The following METTL13 variants were observed in gnomAD, a reference collection of about 807,000 sequenced individuals.
The protein encoded by METTL13 is methyltransferase 13, eEF1A N-terminus and K55.
Under a neutral mutation model 67.4 loss-of-function variants are expected in METTL13, and 52 were observed. The observed-to-expected ratio is 0.77, with a 90% CI of 0.62 to 0.97. METTL13 has a LOEUF of 0.97. Ranked by LOEUF, METTL13 falls within the 50% of genes least tolerant of loss-of-function variation. METTL13 has a pLI of 0.00. For missense variants in METTL13, 825 were observed against 889.6 expected (o/e 0.93, Z 0.92); for synonymous variants, 354 against 353.6 (o/e 1.00, Z -0.01).
intron 6 of METTL13, among the ~76,000 whole-genome samples, chr1:171,792,912 A>G (rs16843313): frequency 0.046 from 7,075 of 152,304 alleles, 549 homozygotes; most frequent in African/African-American, 0.16. Flanking sequence ...TGCAACTAGA[A>G]TTAAGGTTCC....
In METTL13 at chr1:171,782,068, C is replaced by T; in HGVS notation, c.101C>T (p.Thr34Ile). The T allele has an allele frequency of 6.2e-7, 1 of 1,614,108 alleles. No homozygotes were observed. Among genetic ancestry groups the T allele is most frequent in the Non-Finnish European group, 8.5e-7 (1 of 1,180,018 alleles). ...RGKKAFEWYG[T>I]YLELCGVLHK... Reference sequence around the variant, plus strand: ...AAGAAAGCTTTCGAGTGGTATGGAACCTACCTGGAACTGTGCGGGGTGCTA... The same window carrying T: ...AAGAAAGCTTTCGAGTGGTATGGAATCTACCTGGAACTGTGCGGGGTGCTA... Residue 34 changes from threonine (T) to isoleucine (I), a missense_variant, in exon 1 of 8, where the codon ACC becomes ATC. Thr to Ile is a moderately conservative substitution (Grantham distance 89). Coordinates refer to ENST00000361735, the MANE Select transcript of METTL13 (RefSeq NM_015935.5).
rs778224360 is a variant in METTL13 at position 171,790,516 on chromosome 1, A to C, written c.1374A>C (p.Ala458=). The change falls in exon 5 of 8, where the codon GCA becomes GCC. Residue 458 remains alanine, a synonymous_variant. Coordinates refer to ENST00000361735, the MANE Select transcript of METTL13 (RefSeq NM_015935.5). ...QRPADAEDLP[A]APGQSIDKSY... is the part of the protein sequence containing the mutation. ...CTGCTGATGCGGAGGACCTCCCTGCAGCCCCGGGGCAGTCCATTGATAAGA... is the reference window on the plus strand; with the variant it reads ...CTGCTGATGCGGAGGACCTCCCTGCCGCCCCGGGGCAGTCCATTGATAAGA... 2 of 1,612,238 alleles carry C rather than the reference A, an allele frequency of 1.2e-6. No individual in the cohort carries two copies.
intron 7 of METTL13, 119 bp from the exon 8 acceptor site, chr1:171,796,363 G>A (rs111669289): frequency 5.3e-5 from 64 of 1,198,136 alleles, no homozygotes; most frequent in East Asian, 4.2e-4. Flanking sequence ...CATCACCACC[G>A]TGTGTTTTAG....
rs749698669 is a variant in METTL13 at position 171,796,864 on chromosome 1, G to T, written c.*108G>T. ...ACTTTTGAAGCTTCGTATTTTTCTTGGTTTCACACTCAGCTACATGTGACC... is the reference window on the plus strand; with the variant it reads ...ACTTTTGAAGCTTCGTATTTTTCTTTGTTTCACACTCAGCTACATGTGACC... On this transcript the variant is annotated 3_prime_UTR_variant, in exon 8 of 8. Coordinates refer to ENST00000361735, the MANE Select transcript of METTL13 (RefSeq NM_015935.5). The T allele has an allele frequency of 7.8e-6, 11 of 1,417,956 alleles. No individual in the cohort carries two copies. Among genetic ancestry groups the T allele is most frequent in the Non-Finnish European group, 8.5e-6 (9 of 1,055,970 alleles). The allele number at this position is 1,417,956 out of a possible 1,614,324, so 87.8% of individuals were successfully genotyped here.
intron 4 of METTL13, among the ~76,000 whole-genome samples, chr1:171,790,246 T>C (rs757154466): frequency 1.3e-5 from 2 of 152,230 alleles, no homozygotes; most frequent in Non-Finnish European, 1.5e-5. Context: ...GGGGATCACA[T>C]TTCAACGTGA....
At chr1:171,792,667 C>A (rs1046273981) in intron 6 of METTL13, among the ~76,000 whole-genome samples, 1 of 152,206 alleles carries the variant, frequency 6.6e-6, no homozygotes, top group African/African-American at 2.4e-5. Context: ...CAGTGGTATA[C>A]AACCTCAGGG....
Position 171,789,986 on chromosome 1 carries a change from T to C in METTL13, c.1310-466T>C, listed in dbSNP as rs559332235. 3.9e-5 allele frequency among the ~76,000 whole-genome samples: 6 copies of C among 152,344 alleles called. No homozygotes were observed. The South Asian group carries it at 1.0e-3, about 26-fold the overall frequency. On this transcript the variant is annotated intron_variant, in intron 4 of 7. Transcript: ENST00000361735. ...GTAAAGAAAAGACTTTTATTTTGGC[T>C]TATGGTTCTGCAGACTGTACAAGAA...
chr1:171,783,652 G>A, intron 1 of METTL13, 88 bp from the exon 2 acceptor site: 1 of 1,470,940 alleles, frequency 6.8e-7, no homozygotes, highest in East Asian at 2.3e-5. Context: ...ATGTGACTCA[G>A]CCAAGGTGAG....
At chr1:171,791,902 C>A (rs1657219840) in intron 5 of METTL13, 115 bp from the exon 6 acceptor site, 20 of 1,018,700 alleles carry the variant, frequency 2.0e-5, no homozygotes, top group Non-Finnish European at 3.0e-5. Context: ...ACCTCTAAAT[C>A]TTGTATCCCC....
chr1:171,783,686 A>G, intron 1 of METTL13, 54 bp from the exon 2 acceptor site: 10 of 1,541,738 alleles, frequency 6.5e-6, no homozygotes, highest in Non-Finnish European at 8.7e-6. Flanking sequence ...AAGTACCTGA[A>G]GTACAGTCCT....
chr1:171,795,683 C>A (rs947240687), intron 7 of METTL13, among the ~76,000 whole-genome samples: 1 of 152,130 alleles, frequency 6.6e-6, no homozygotes, highest in Non-Finnish European at 1.5e-5. Flanking sequence ...TGTTAACAAC[C>A]CTCTAGGTAT....
intron 5 of METTL13, 126 bp downstream of exon 5, chr1:171,790,742 C>A (rs1657178928): frequency 1.9e-6 from 2 of 1,071,456 alleles, no homozygotes; most frequent in Non-Finnish European, 2.5e-6. Flanking sequence ...TTCTTCATCT[C>A]AACCATGTTA....
intron 5 of METTL13, among the ~76,000 whole-genome samples, chr1:171,791,435 CTCT>C (rs2124904189): frequency 6.6e-6 from 1 of 152,302 alleles, no homozygotes; most frequent in Non-Finnish European, 1.5e-5. Context: ...TGTTTGGCCA[CTCT>C]TCTTCCCTTT....
Position 171,782,006 on chromosome 1 carries a change from C to T in METTL13, c.39C>T (p.Ser13=). 6.2e-7 allele frequency: 1 copy of T among 1,614,056 alleles called. No individual in the cohort carries two copies. The highest frequency in any genetic ancestry group is 1.6e-4 in the Middle Eastern group (1 of 6,062). The part of the protein sequence containing the change: ...LLPKSSREFG[S]VDYWEKFFQQ... ...CTAAAAGTTCCAGGGAGTTTGGCTCCGTTGACTATTGGGAGAAGTTCTTCC... is the reference window on the plus strand; with the variant it reads ...CTAAAAGTTCCAGGGAGTTTGGCTCTGTTGACTATTGGGAGAAGTTCTTCC... Residue 13 remains serine, a synonymous_variant, in exon 1 of 8, where the codon TCC becomes TCT. Transcript: ENST00000361735.
In METTL13 at chr1:171,784,489, G is replaced by A. The variant is rs1159261697; in HGVS notation, c.903G>A (p.Ala301=). ...AACCATCGCGGGACAATCATTTTGC[G>A]ATTTTCATCAGTGAGTTGGGATTGC... is the stretch of plus-strand genomic sequence containing the variant. The part of the protein sequence containing the change: ...TVKPSRDNHF[A]IFIIPQGRET... Residue 301 remains alanine, a synonymous_variant, in exon 2 of 8, where the codon GCG becomes GCA. Coordinates refer to ENST00000361735, the MANE Select transcript of METTL13 (RefSeq NM_015935.5). 4.0e-6 allele frequency: 6 copies of A among 1,500,188 alleles called. No individual in the cohort carries two copies. Among genetic ancestry groups the A allele is most frequent in the Non-Finnish European group, 5.3e-6 (6 of 1,125,648 alleles). The allele number at this position is 1,500,188 out of a possible 1,614,324, so 92.9% of individuals were successfully genotyped here.
In METTL13 at chr1:171,783,978, A is replaced by T; in HGVS notation, c.392A>T (p.Glu131Val). The T allele has an allele frequency of 1.2e-6, 2 of 1,614,232 alleles. No homozygotes were observed. The highest frequency in any genetic ancestry group is 1.7e-6 in the Non-Finnish European group (2 of 1,180,046). The change falls in exon 2 of 8, where the codon GAG (glutamate) becomes GTG (valine). Residue 131 changes from glutamate (E) to valine (V), a missense_variant. Glu to Val is a moderately radical substitution (Grantham distance 121, BLOSUM62 -2). Coordinates refer to ENST00000361735, the MANE Select transcript of METTL13 (RefSeq NM_015935.5). ...ACCCTGGATGCTGTCCTGACAGATG[A>T]GGAAGAGAAGACCTTACAACAGGTG... ...KGTLDAVLTD[E>V]EEKTLQQVDR...
chr1:171,795,051 C>T (rs1450844796), intron 7 of METTL13, among the ~76,000 whole-genome samples: 2 of 152,098 alleles, frequency 1.3e-5, no homozygotes, highest in African/African-American at 2.4e-5. Context: ...GTCTCAAACT[C>T]CTAGCCTCAA....
chr1:171,790,723 A>C (rs1657178287), intron 5 of METTL13, 107 bp downstream of exon 5: 2 of 1,207,428 alleles, frequency 1.7e-6, no homozygotes, highest in East Asian at 2.8e-5. Flanking sequence ...ACAAGCTGAC[A>C]ATGTATCTTT....
In METTL13 at chr1:171,785,654, C is replaced by G. The variant is rs112444660; in HGVS notation, c.914-225C>G. 8.7e-3 allele frequency among the ~76,000 whole-genome samples: 1,330 copies of G among 152,252 alleles called. 20 individuals are homozygous for G. The highest frequency in any genetic ancestry group is 0.03 in the African/African-American group (1,258 of 41,534). On this transcript the variant is annotated intron_variant, in intron 2 of 7. Coordinates refer to ENST00000361735, the MANE Select transcript of METTL13 (RefSeq NM_015935.5). ...TTGTGGTAGGTGTCTGCCTCCTTCC[C>G]CTACGGACATGCCCACACTTCTTCT...
Sources: gnomAD v4.1 joint callset for allele counts (sites outside exome capture counted in the v4.1 genomes callset) on GRCh38, gnomAD v4.1.1 for gene constraint, MANE v1.5 for transcripts, NCBI Gene and HGNC (gene_info 2026-07-23, HGNC 2026-07-21) for gene names.